The following IGSF21 variants were observed in gnomAD, a reference collection of about 807,000 sequenced individuals.
IGSF21 encodes the protein immunoglobulin superfamily member 21.
A neutral mutation model predicts 46.8 loss-of-function variants in IGSF21; 28 were observed. That is an observed-to-expected ratio of 0.60 (90% CI 0.44 to 0.82). IGSF21 has a LOEUF of 0.82. IGSF21 is among the 40% of genes least tolerant of loss of function. The pLI is 0.00. For synonymous variants in IGSF21, 284 were observed against 273.6 expected (o/e 1.04, Z -0.38); for missense variants, 624 against 665.5 (o/e 0.94, Z 0.69).
intron 3 of IGSF21, among the ~76,000 whole-genome samples, chr1:18,312,076 T>A (rs1247798738): frequency 1.3e-5 from 2 of 152,178 alleles, no homozygotes; most frequent in African/African-American, 4.8e-5. Context: ...GTAGCGTGTA[T>A]CTCTGCCTAG....
At chr1:18,192,186 C>T (rs2086964432) in intron 1 of IGSF21, among the ~76,000 whole-genome samples, 1 of 152,234 alleles carries the variant, frequency 6.6e-6, no homozygotes, top group Non-Finnish European at 1.5e-5. Flanking sequence ...TGTTTCCTGC[C>T]TCTGTGAAAT....
At chr1:18,366,869 C>T (rs2086170167) in intron 6 of IGSF21, among the ~76,000 whole-genome samples, 2 of 152,128 alleles carry the variant, frequency 1.3e-5, no homozygotes, top group Admixed American at 1.3e-4. Context: ...TTATACTGGT[C>T]CTCCCCACTG....
intron 2 of IGSF21, among the ~76,000 whole-genome samples, chr1:18,277,414 C>A (rs74056581): frequency 0.023 from 3,543 of 152,330 alleles, 154 homozygotes; most frequent in African/African-American, 0.079. Context: ...CAAACTCCCC[C>A]GCCCTAGCTG....
At chr1:18,308,615 A>G (rs1472035021) in intron 3 of IGSF21, among the ~76,000 whole-genome samples, 4 of 152,218 alleles carry the variant, frequency 2.6e-5, no homozygotes, top group Non-Finnish European at 5.9e-5. Flanking sequence ...TGAGGCAGTT[A>G]TAGTACAGTG....
intron 1 of IGSF21, among the ~76,000 whole-genome samples, chr1:18,132,708 T>C (rs1286578525): frequency 1.3e-5 from 2 of 152,100 alleles, no homozygotes. Context: ...ACCCAATCCA[T>C]CCTGTGCTCA....
chr1:18,354,177 C>T (rs1271697388), intron 4 of IGSF21, among the ~76,000 whole-genome samples: 1 of 152,180 alleles, frequency 6.6e-6, no homozygotes, highest in African/African-American at 2.4e-5. Context: ...CTGGAGGAGG[C>T]AACATCTGAG....
intron 1 of IGSF21, among the ~76,000 whole-genome samples, chr1:18,108,921 G>A (rs1316458840): frequency 6.6e-6 from 1 of 150,984 alleles, no homozygotes; most frequent in Non-Finnish European, 1.5e-5. Context: ...GTGCCATGGA[G>A]CGTGTGGTTA....
chr1:18,283,126 C>T (rs1262767104), intron 2 of IGSF21, among the ~76,000 whole-genome samples: 1 of 152,166 alleles, frequency 6.6e-6, no homozygotes, highest in Admixed American at 6.5e-5. Context: ...TGCAGCCGCT[C>T]TCCTCCCTGC....
At chr1:18,255,521 C>T (rs1018451058) in intron 2 of IGSF21, among the ~76,000 whole-genome samples, 2 of 152,112 alleles carry the variant, frequency 1.3e-5, no homozygotes, top group African/African-American at 4.8e-5. Context: ...TCCCTCACTT[C>T]TCATGGCCCT....
chr1:18,256,209 A>G (rs774055196), intron 2 of IGSF21, among the ~76,000 whole-genome samples: 3 of 152,156 alleles, frequency 2.0e-5, no homozygotes, highest in Non-Finnish European at 2.9e-5. Context: ...TGACTAGGGT[A>G]ATTCCTACCC....
At chr1:18,367,561 G>A (rs1260214038) in intron 6 of IGSF21, among the ~76,000 whole-genome samples, 1 of 146,588 alleles carries the variant, frequency 6.8e-6, no homozygotes, top group Non-Finnish European at 1.5e-5. Context: ...CTGGTTCCCT[G>A]AAGACCCATT....
At position 18,191,977 on chromosome 1, in the gene IGSF21, C is replaced by A. The variant is rs187470933; in HGVS notation, c.71-35921C>A. ...GCCCTCCTGAGAGTCCAGTAAGAAG[C>A]TTTCTTCCTCCCTCCAGCCCTCCTG... On this transcript the variant is annotated intron_variant, in intron 1 of 9. Transcript: ENST00000251296. 2.1e-4 allele frequency among the ~76,000 whole-genome samples: 32 copies of A among 152,294 alleles called. No individual in the cohort carries two copies. The East Asian group carries it at 6.2e-3, about 30-fold the overall frequency.
At chr1:18,287,187 A>T (rs867501216) in intron 2 of IGSF21, among the ~76,000 whole-genome samples, 4 of 68,212 alleles carry the variant, frequency 5.9e-5, no homozygotes, top group Non-Finnish European at 9.4e-5. Flanking sequence ...TCTCAAAAAA[A>T]AAAAATAAAA....
At chr1:18,177,394 T>TGGTCGG (rs1557573372) in intron 1 of IGSF21, among the ~76,000 whole-genome samples, 1 of 71,288 alleles carries the variant, frequency 1.4e-5, no homozygotes, top group Admixed American at 1.2e-4. Flanking sequence ...GTCAGTGAGG[T>TGGTCGG]GTGTGTGTGT....
intron 1 of IGSF21, among the ~76,000 whole-genome samples, chr1:18,218,966 G>A (rs2084480359): frequency 6.6e-6 from 1 of 152,198 alleles, no homozygotes; most frequent in Non-Finnish European, 1.5e-5. Context: ...AGACTCAGTA[G>A]CAGAATAGAG....
At chr1:18,340,716 G>A (rs1381161936) in intron 4 of IGSF21, among the ~76,000 whole-genome samples, 1 of 151,846 alleles carries the variant, frequency 6.6e-6, no homozygotes, top group Non-Finnish European at 1.5e-5. Context: ...CCCCATGCAA[G>A]GGAAAAATCC....
chr1:18,136,492 C>T (rs1365263406), intron 1 of IGSF21, among the ~76,000 whole-genome samples: 1 of 152,176 alleles, frequency 6.6e-6, no homozygotes, highest in East Asian at 1.9e-4. Flanking sequence ...GCCAGTTTTC[C>T]CAGCACCATT....
chr1:18,199,970 G>A (rs1235092832), intron 1 of IGSF21, among the ~76,000 whole-genome samples: 1 of 151,818 alleles, frequency 6.6e-6, no homozygotes, highest in Non-Finnish European at 1.5e-5. Context: ...ATGGGTAGGA[G>A]CGGGTCCAAG....
intron 1 of IGSF21, among the ~76,000 whole-genome samples, chr1:18,184,200 G>T (rs1019507732): frequency 2.6e-5 from 4 of 152,162 alleles, no homozygotes; most frequent in Non-Finnish European, 5.9e-5. Flanking sequence ...CAGCCTTCTA[G>T]CCTTGGGCTT....
Sources: gnomAD v4.1 joint callset for allele counts (sites outside exome capture counted in the v4.1 genomes callset) on GRCh38, gnomAD v4.1.1 for gene constraint, MANE v1.5 for transcripts, NCBI Gene and HGNC (gene_info 2026-07-23, HGNC 2026-07-21) for gene names.